The following PRRC2C variants were observed in gnomAD, a reference collection of about 807,000 sequenced individuals.
The protein encoded by PRRC2C is proline rich coiled-coil 2C, also known as protein PRRC2C.
A neutral mutation model predicts 317.2 loss-of-function variants in PRRC2C; 72 were observed. That is an observed-to-expected ratio of 0.23 (90% CI 0.19 to 0.28). PRRC2C has a LOEUF of 0.28. Among genes scored for constraint, PRRC2C ranks in the 10% least tolerant of loss-of-function variants. PRRC2C has a pLI of 1.00. For missense variants in PRRC2C, 3,074 were observed against 3,459.7 expected (o/e 0.89, Z 2.80); for synonymous variants, 1,296 against 1,205.9 (o/e 1.07, Z -1.55).
chr1:171,508,070 A>G (rs764472465), intron 1 of PRRC2C, among the ~76,000 whole-genome samples: 5 of 152,212 alleles, frequency 3.3e-5, no homozygotes, highest in Non-Finnish European at 5.9e-5. Context: ...TTTCTACTTA[A>G]AAGATCATGT....
intron 5 of PRRC2C, among the ~76,000 whole-genome samples, chr1:171,516,655 T>TA (rs1013183666): frequency 4.6e-5 from 7 of 152,356 alleles, no homozygotes; most frequent in Middle Eastern, 3.4e-3. Flanking sequence ...GAACTATACT[T>TA]ATGATATCCC....
intron 34 of PRRC2C, 104 bp from the exon 35 acceptor site, chr1:171,591,483 G>C (rs1277431784): frequency 7.0e-7 from 1 of 1,428,218 alleles, no homozygotes; most frequent in African/African-American, 1.4e-5. Context: ...AAACCAGTGT[G>C]GGGAAAACTG....
chr1:171,511,943 T>C (rs1332548981), intron 1 of PRRC2C, 89 bp from the exon 2 acceptor site: 1 of 511,942 alleles, frequency 2.0e-6, no homozygotes, highest in African/African-American at 2.0e-5. Context: ...AAATTATCAT[T>C]GATATGGGAA....
chr1:171,515,910 C>A, intron 5 of PRRC2C, 51 bp downstream of exon 5: 1 of 1,511,274 alleles, frequency 6.6e-7, no homozygotes, highest in Non-Finnish European at 8.9e-7. Flanking sequence ...TGTGTATTAT[C>A]TTGCAATACA....
chr1:171,503,280 T>C (rs1333897548), intron 1 of PRRC2C, among the ~76,000 whole-genome samples: 1 of 152,052 alleles, frequency 6.6e-6, no homozygotes, highest in South Asian at 2.1e-4. Flanking sequence ...TCTCAGCACT[T>C]TAGGAGGATG....
chr1:171,557,843 G>C lies in PRRC2C; in HGVS notation c.5731G>C (p.Ala1911Pro), dbSNP rs1681749420. Residue 1911 changes from alanine to proline, a missense_variant, in exon 19 of 35, where the codon GCT becomes CCT. Ala to Pro is a conservative substitution (Grantham distance 27). Coordinates refer to ENST00000647382, the MANE Select transcript of PRRC2C (RefSeq NM_001387844.1). ...TASVPLAPASASAPAPAPTPV... is the reference protein window; with the variant it reads ...TASVPLAPASPSAPAPAPTPV... Reference sequence around the variant, plus strand: ...CTCAGTCCCACTTGCCCCTGCCTCAGCTTCAGCCCCAGCCCCAGCCCCTAC... The same window carrying C: ...CTCAGTCCCACTTGCCCCTGCCTCACCTTCAGCCCCAGCCCCAGCCCCTAC... 5.2e-6 allele frequency: 8 copies of C among 1,545,738 alleles called. No homozygotes were observed. The highest frequency in any genetic ancestry group is 5.2e-6 in the Non-Finnish European group (6 of 1,143,828).
intron 3 of PRRC2C, among the ~76,000 whole-genome samples, chr1:171,514,206 G>T (rs893447377): frequency 6.6e-6 from 1 of 151,954 alleles, no homozygotes; most frequent in African/African-American, 2.4e-5. Context: ...AATTATAAGT[G>T]TTCACTTCTT....
intron 7 of PRRC2C, among the ~76,000 whole-genome samples, chr1:171,522,928 A>C (rs1235892384): frequency 6.6e-6 from 1 of 151,468 alleles, no homozygotes; most frequent in Non-Finnish European, 1.5e-5. Context: ...TTTCCTCAAA[A>C]TATATATTTT....
chr1:171,508,208 C>G (rs1420729441), intron 1 of PRRC2C, among the ~76,000 whole-genome samples: 1 of 152,156 alleles, frequency 6.6e-6, no homozygotes, highest in East Asian at 1.9e-4. Flanking sequence ...AGTGGACATT[C>G]TAGCTGTGTA....
At position 171,489,959 on chromosome 1, in the gene PRRC2C, G is replaced by C. The variant is rs149461596; in HGVS notation, c.-58+4224G>C. On this transcript the variant is annotated intron_variant, in intron 1 of 34. Coordinates refer to ENST00000647382, the MANE Select transcript of PRRC2C (RefSeq NM_001387844.1). ...TTTTTAGATGGAGTCTCACTCCGTT[G>C]CCCAGGCTGGAGTGCAGTGGCGCTA... 8.6e-3 allele frequency among the ~76,000 whole-genome samples: 1,306 copies of C among 151,948 alleles called. 13 individuals are homozygous for C. Among genetic ancestry groups the C allele is most frequent in the South Asian group, 0.021 (101 of 4,796 alleles).
At chr1:171,533,039 T>A (rs1029940823) in intron 12 of PRRC2C, 78 bp downstream of exon 12, 1 of 1,321,052 alleles carries the variant, frequency 7.6e-7, no homozygotes, top group Admixed American at 2.9e-5. Flanking sequence ...GTTTGTATAT[T>A]TTAAATATAT....
At chr1:171,578,674 C>G (rs1647776779) in intron 26 of PRRC2C, among the ~76,000 whole-genome samples, 1 of 152,178 alleles carries the variant, frequency 6.6e-6, no homozygotes, top group African/African-American at 2.4e-5. Flanking sequence ...TCAAGACCCA[C>G]CTGGCCAACA....
At chr1:171,515,991 C>G in intron 5 of PRRC2C, 132 bp downstream of exon 5, 1 of 959,608 alleles carries the variant, frequency 1.0e-6, no homozygotes, top group Non-Finnish European at 1.4e-6. Context: ...TAGTCACTTG[C>G]TACTCAGGTA....
intron 1 of PRRC2C, among the ~76,000 whole-genome samples, chr1:171,492,738 TTTTATTTATTTATTTA>T (rs58061201): frequency 6.9e-6 from 1 of 144,274 alleles, no homozygotes; most frequent in Admixed American, 6.9e-5. Flanking sequence ...ATTTTTTTAA[TTTTATTTATTTATTTA>T]TTTATTTATT....
Position 171,588,383 on chromosome 1 carries a change from A to G in PRRC2C, c.8077A>G (p.Thr2693Ala), listed in dbSNP as rs768080423. ...TAGTAATGGCTTCTTTCCAAGGGCT[A>G]CTTCTACAAGTCCGAACAGCCAGTC... The part of the protein sequence containing the change: ...TTPTSSPFRA[T>A]STSPNSQSSK... The change falls in exon 33 of 35, where the codon ACT becomes GCT. Residue 2693 changes from threonine to alanine, a missense_variant. Thr to Ala is a moderately conservative substitution (Grantham distance 58, BLOSUM62 0). Coordinates refer to ENST00000647382, the MANE Select transcript of PRRC2C (RefSeq NM_001387844.1). 2.5e-6 allele frequency: 4 copies of G among 1,613,610 alleles called. No individual in the cohort carries two copies. Among genetic ancestry groups the G allele is most frequent in the African/African-American group, 1.3e-5 (1 of 75,008 alleles).
At chr1:171,564,136 T>C (rs1012889491) in intron 20 of PRRC2C, among the ~76,000 whole-genome samples, 1 of 152,194 alleles carries the variant, frequency 6.6e-6, no homozygotes, top group African/African-American at 2.4e-5. Flanking sequence ...TGACATTTCA[T>C]AGGATGGAAA....
At chr1:171,552,088 C>T (rs1416335775) in intron 18 of PRRC2C, among the ~76,000 whole-genome samples, 1 of 152,132 alleles carries the variant, frequency 6.6e-6, no homozygotes, top group Non-Finnish European at 1.5e-5. Context: ...TTCTTTCTAT[C>T]CATGAGCATG....
chr1:171,539,658 T>G (rs1677579903), intron 15 of PRRC2C, among the ~76,000 whole-genome samples: 1 of 152,228 alleles, frequency 6.6e-6, no homozygotes, highest in Non-Finnish European at 1.5e-5. Flanking sequence ...TGACTTCACT[T>G]AAGCATAATG....
chr1:171,503,069 T>C (rs1428250330), intron 1 of PRRC2C, among the ~76,000 whole-genome samples: 1 of 152,156 alleles, frequency 6.6e-6, no homozygotes, highest in Non-Finnish European at 1.5e-5. Flanking sequence ...GGCAAAGGCA[T>C]ATAAGAGAGA....
Sources: gnomAD v4.1 joint callset for allele counts (sites outside exome capture counted in the v4.1 genomes callset) on GRCh38, gnomAD v4.1.1 for gene constraint, MANE v1.5 for transcripts, NCBI Gene and HGNC (gene_info 2026-07-23, HGNC 2026-07-21) for gene names.